ADGRB3: variants seen among roughly 807,000 people sequenced by gnomAD.
ADGRB3 encodes the protein brain-specific angiogenesis inhibitor 3.
A neutral mutation model predicts 193.4 loss-of-function variants in ADGRB3; 37 were observed. That is an observed-to-expected ratio of 0.19 (90% CI 0.15 to 0.25). The LOEUF (loss-of-function observed/expected upper bound fraction) is 0.25. Ranked by LOEUF, ADGRB3 falls within the 10% of genes least tolerant of loss-of-function variation. The probability of loss-of-function intolerance (pLI) is 1.00; values close to 1 mark genes in which losing one functional copy is unlikely to be tolerated. For synonymous variants in ADGRB3, 690 were observed against 644.2 expected, an observed-to-expected ratio of 1.07 and a Z score of -1.08; for missense variants, 1,637 against 1,852.9, an observed-to-expected ratio of 0.88 and a Z score of 2.14.
chr6:68,796,426 C>T (rs1480408171), intron 3 of ADGRB3, among the ~76,000 whole-genome samples: 1 of 152,112 alleles, frequency 6.6e-6, no homozygotes, highest in African/African-American at 2.4e-5. Flanking sequence ...TACAAGTATC[C>T]TCATTATCTT....
rs562073323 is a variant in ADGRB3 at position 68,791,128 on chromosome 6, T to C, written c.758-139431T>C. Among the ~76,000 whole-genome samples, 10 of 152,176 alleles carry C rather than the reference T, an allele frequency of 6.6e-5. No individual in the cohort carries two copies. The East Asian group carries it at 1.5e-3, about 24-fold the overall frequency. ...TGACAAGTATCCTTAAAACAACTTA[T>C]GTCTTTACCTTCTGAGTTTCCTTAG... On this transcript the variant is annotated intron_variant, in intron 3 of 31. Transcript: ENST00000370598.
chr6:69,127,922 A>G (rs951808586), intron 17 of ADGRB3, among the ~76,000 whole-genome samples: 1 of 150,956 alleles, frequency 6.6e-6, no homozygotes, highest in Non-Finnish European at 1.5e-5. Flanking sequence ...TTTTTCTGGC[A>G]TGGCATTTGG....
intron 17 of ADGRB3, among the ~76,000 whole-genome samples, chr6:69,209,761 A>G (rs913332661): frequency 5.9e-5 from 9 of 152,180 alleles, no homozygotes; most frequent in Admixed American, 5.9e-4. Context: ...ACCAGGTACC[A>G]GATGTTCTTT....
At chr6:69,335,106 T>A (rs1768818498) in intron 24 of ADGRB3, among the ~76,000 whole-genome samples, 1 of 152,040 alleles carries the variant, frequency 6.6e-6, no homozygotes, top group African/African-American at 2.4e-5. Context: ...ATCATTGAAA[T>A]GAATATGATA....
chr6:68,752,081 T>C (rs1330516725), intron 3 of ADGRB3, among the ~76,000 whole-genome samples: 1 of 152,162 alleles, frequency 6.6e-6, no homozygotes, highest in East Asian at 1.9e-4. Flanking sequence ...TGGAAACCTA[T>C]GATTTAATTG....
intron 20 of ADGRB3, among the ~76,000 whole-genome samples, chr6:69,246,165 G>C (rs547591295): frequency 6.6e-6 from 1 of 152,078 alleles, no homozygotes; most frequent in Non-Finnish European, 1.5e-5. Flanking sequence ...AGAATATAAT[G>C]TTCATAGCCT....
intron 17 of ADGRB3, among the ~76,000 whole-genome samples, chr6:69,218,291 T>C (rs1381703977): frequency 6.6e-6 from 1 of 152,094 alleles, no homozygotes; most frequent in Non-Finnish European, 1.5e-5. Flanking sequence ...TTAGACTCTA[T>C]TAGTAAATTT....
At chr6:69,219,461 GTATATATATATATATATATATA>G (rs3839475) in intron 17 of ADGRB3, among the ~76,000 whole-genome samples, 34,760 of 99,002 alleles carry the variant, frequency 0.35, 6,252 homozygotes, top group African/African-American at 0.51. Flanking sequence ...ACACACACAC[GTATATATATATATATATATATA>G]TATATATATA....
intron 13 of ADGRB3, among the ~76,000 whole-genome samples, chr6:69,041,044 C>T (rs575722668): frequency 5.3e-5 from 8 of 152,144 alleles, no homozygotes; most frequent in Non-Finnish European, 1.0e-4. Flanking sequence ...TGGTGGAGAT[C>T]GAGCTGTTAG....
intron 19 of ADGRB3, 37 bp from the exon 20 acceptor site, chr6:69,239,087 G>A (rs773847713): frequency 1.0e-5 from 13 of 1,274,736 alleles, no homozygotes; most frequent in Admixed American, 3.6e-5. Context: ...CTTTCTGTTG[G>A]ATTTTAAAGT....
intron 17 of ADGRB3, among the ~76,000 whole-genome samples, chr6:69,193,183 TA>T (rs1273392899): frequency 1.3e-5 from 2 of 152,114 alleles, no homozygotes; most frequent in African/African-American, 4.8e-5. Flanking sequence ...TCTCTTACAG[TA>T]AATTTCCCTC....
At chr6:69,031,539 TTC>T (rs1201664905) in intron 13 of ADGRB3, among the ~76,000 whole-genome samples, 1 of 60,236 alleles carries the variant, frequency 1.7e-5, no homozygotes, top group Non-Finnish European at 3.8e-5. Flanking sequence ...CTTTCTTTCT[TTC>T]TTTCTTTCTT....
chr6:69,172,370 G>A (rs896108949), intron 17 of ADGRB3, among the ~76,000 whole-genome samples: 3 of 151,936 alleles, frequency 2.0e-5, no homozygotes, highest in East Asian at 1.9e-4. Flanking sequence ...CAGGCCAGGC[G>A]CAGTGGCTCA....
intron 17 of ADGRB3, among the ~76,000 whole-genome samples, chr6:69,093,854 G>T (rs1267030325): frequency 6.6e-6 from 1 of 152,168 alleles, no homozygotes; most frequent in Admixed American, 6.5e-5. Context: ...TGTAAGAATC[G>T]TAAGACCTGT....
intron 13 of ADGRB3, among the ~76,000 whole-genome samples, chr6:69,034,565 AT>A: frequency 6.8e-6 from 1 of 148,032 alleles, no homozygotes; most frequent in South Asian, 2.1e-4. Context: ...TATATAAATT[AT>A]ATAGCTATAT....
intron 3 of ADGRB3, among the ~76,000 whole-genome samples, chr6:68,757,910 A>G (rs1562017914): frequency 1.3e-5 from 2 of 152,034 alleles, no homozygotes; most frequent in Non-Finnish European, 2.9e-5. Context: ...CACAGTATTT[A>G]TATTACTTAT....
At position 69,257,547 on chromosome 6, in the gene ADGRB3, T is replaced by TA. The variant is rs1766807306; in HGVS notation, c.2814+18326dup. 2.0e-5 allele frequency among the ~76,000 whole-genome samples: 3 copies of TA among 152,144 alleles called. No individual in the cohort carries two copies. The East Asian group carries it at 5.8e-4, about 29-fold the overall frequency. On this transcript the variant is annotated intron_variant, in intron 20 of 31. Coordinates refer to ENST00000370598, the MANE Select transcript of ADGRB3 (RefSeq NM_001704.3). ...AAAATATCTCTGTATTTCCTGTAAATAAAAAGATGATGTTTGAGGTAAACA... is the reference window on the plus strand; with the variant it reads ...AAAATATCTCTGTATTTCCTGTAAATAAAAAAGATGATGTTTGAGGTAAACA...
At chr6:68,873,843 A>G (rs1765521860) in intron 3 of ADGRB3, among the ~76,000 whole-genome samples, 1 of 152,070 alleles carries the variant, frequency 6.6e-6, no homozygotes, top group Admixed American at 6.5e-5. Flanking sequence ...CTTATATTAC[A>G]TATCCCTAAA....
chr6:68,984,839 T>C (rs1769025460), intron 10 of ADGRB3, among the ~76,000 whole-genome samples: 1 of 151,984 alleles, frequency 6.6e-6, no homozygotes, highest in South Asian at 2.1e-4. Flanking sequence ...GAAAGATGAA[T>C]ACAGTGAAAA....
Sources: gnomAD v4.1 joint callset for allele counts (sites outside exome capture counted in the v4.1 genomes callset) on GRCh38, gnomAD v4.1.1 for gene constraint, MANE v1.5 for transcripts, NCBI Gene and HGNC (gene_info 2026-07-23, HGNC 2026-07-21) for gene names.